Variants in KCNH8 observed in about 807,000 individuals in gnomAD.
KCNH8 encodes the protein voltage-gated delayed rectifier potassium channel KCNH8.
A neutral mutation model predicts 103.6 loss-of-function variants in KCNH8; 70 were observed. That is an observed-to-expected ratio of 0.68 (90% CI 0.56 to 0.82). KCNH8 has a LOEUF of 0.82. Ranked by LOEUF, KCNH8 falls within the 40% of genes least tolerant of loss-of-function variation. The pLI is 0.00. For synonymous variants in KCNH8, 498 were observed against 489.4 expected (o/e 1.02, Z -0.23); for missense variants, 1,217 against 1,329.9 (o/e 0.92, Z 1.32).
chr3:19,374,831 C>T (rs1201943838), intron 5 of KCNH8, among the ~76,000 whole-genome samples: 2 of 152,028 alleles, frequency 1.3e-5, no homozygotes, highest in East Asian at 1.9e-4. Context: ...ATTTGCTTGT[C>T]TGTAAAGTAT....
At chr3:19,487,367 C>T (rs1264362808) in intron 11 of KCNH8, among the ~76,000 whole-genome samples, 2 of 152,162 alleles carry the variant, frequency 1.3e-5, no homozygotes, top group Non-Finnish European at 2.9e-5. Flanking sequence ...GCTGACCAAG[C>T]GCAAGTCCTG....
chr3:19,289,445 G>T (rs1286710658), intron 3 of KCNH8, among the ~76,000 whole-genome samples: 4 of 152,124 alleles, frequency 2.6e-5, no homozygotes, highest in African/African-American at 7.2e-5. Flanking sequence ...TCTCCATATG[G>T]CTAGCCAGTT....
chr3:19,444,840 C>G (rs1354413392), intron 8 of KCNH8, among the ~76,000 whole-genome samples: 1 of 151,876 alleles, frequency 6.6e-6, no homozygotes, highest in African/African-American at 2.4e-5. Context: ...ACACTGCAAC[C>G]CTAAGTGTTT....
chr3:19,428,306 T>C (rs939115444), intron 7 of KCNH8, among the ~76,000 whole-genome samples: 3 of 152,162 alleles, frequency 2.0e-5, no homozygotes, highest in Non-Finnish European at 2.9e-5. Flanking sequence ...TGCCAGAAAA[T>C]ATTCTGAGTC....
intron 3 of KCNH8, among the ~76,000 whole-genome samples, chr3:19,313,357 T>G (rs1273377103): frequency 6.6e-6 from 1 of 151,974 alleles, no homozygotes; most frequent in Non-Finnish European, 1.5e-5. Flanking sequence ...TAGTTAGCAC[T>G]GTGATCTTAG....
intron 10 of KCNH8, among the ~76,000 whole-genome samples, chr3:19,455,510 A>AC (rs774678023): frequency 6.6e-5 from 10 of 152,034 alleles, no homozygotes; most frequent in Non-Finnish European, 1.5e-4. Context: ...GGATACTGAG[A>AC]CCCAAAGTTA....
At chr3:19,264,329 A>C (rs1020688102) in intron 2 of KCNH8, among the ~76,000 whole-genome samples, 3 of 151,998 alleles carry the variant, frequency 2.0e-5, no homozygotes, top group African/African-American at 7.2e-5. Flanking sequence ...ATTTGCACAT[A>C]AGCTTTGTAT....
chr3:19,508,937 C>G (rs1000376214), intron 11 of KCNH8, among the ~76,000 whole-genome samples: 3 of 152,192 alleles, frequency 2.0e-5, no homozygotes, highest in African/African-American at 7.2e-5. Context: ...CTAACGGTAT[C>G]TGTGATTGGA....
At chr3:19,298,574 C>G (rs902700798) in intron 3 of KCNH8, among the ~76,000 whole-genome samples, 1 of 152,118 alleles carries the variant, frequency 6.6e-6, no homozygotes, top group Non-Finnish European at 1.5e-5. Flanking sequence ...ATACAGAATT[C>G]TTAAAGTTGC....
In KCNH8 at chr3:19,220,892, A is replaced by G. The variant is rs575050451; in HGVS notation, c.77-32762A>G. On this transcript the variant is annotated intron_variant, in intron 1 of 15. Coordinates refer to ENST00000328405, the MANE Select transcript of KCNH8 (RefSeq NM_144633.3). ...ATGAGGATGGCTTCTTTCTGCAGACAAAGCTTTATCAAGAACCTAATGAAG... is the reference window on the plus strand; with the variant it reads ...ATGAGGATGGCTTCTTTCTGCAGACGAAGCTTTATCAAGAACCTAATGAAG... Among the ~76,000 whole-genome samples the G allele has an allele frequency of 8.1e-4, 123 of 152,264 alleles. 1 individual carries two copies. The highest frequency in any genetic ancestry group is 2.8e-3 in the African/African-American group (116 of 41,572).
rs541844272 is a variant in KCNH8 at position 19,367,856 on chromosome 3, G to A, written c.811+19891G>A. ...GGAAATCCTACAGGTTTTGGCGCTGGGCCCAGACCCTTGCAAACACATCAA... is the reference window on the plus strand; with the variant it reads ...GGAAATCCTACAGGTTTTGGCGCTGAGCCCAGACCCTTGCAAACACATCAA... On this transcript the variant is annotated intron_variant, in intron 5 of 15. Coordinates refer to ENST00000328405, the MANE Select transcript of KCNH8 (RefSeq NM_144633.3). 1.2e-4 allele frequency among the ~76,000 whole-genome samples: 18 copies of A among 152,026 alleles called. No individual in the cohort carries two copies. In the South Asian group the frequency reaches 3.5e-3, roughly 30 times the overall value.
intron 7 of KCNH8, among the ~76,000 whole-genome samples, chr3:19,399,088 T>C (rs1311272823): frequency 2.0e-5 from 3 of 152,020 alleles, no homozygotes; most frequent in Non-Finnish European, 4.4e-5. Context: ...GCAAGTCCTA[T>C]ATCAACCTTG....
At chr3:19,436,944 T>A (rs2067208272) in intron 7 of KCNH8, among the ~76,000 whole-genome samples, 1 of 152,210 alleles carries the variant, frequency 6.6e-6, no homozygotes, top group African/African-American at 2.4e-5. Flanking sequence ...AAAAACACTC[T>A]GTAGCAACAC....
chr3:19,192,138 T>C (rs2063559025), intron 1 of KCNH8, among the ~76,000 whole-genome samples: 1 of 151,612 alleles, frequency 6.6e-6, no homozygotes, highest in Non-Finnish European at 1.5e-5. Flanking sequence ...GACAGGAATT[T>C]TCCCTCTTAT....
intron 5 of KCNH8, among the ~76,000 whole-genome samples, chr3:19,381,889 A>G (rs549075174): frequency 6.6e-6 from 1 of 152,290 alleles, no homozygotes; most frequent in East Asian, 1.9e-4. Flanking sequence ...ATGGACATAC[A>G]TACCATACTG....
At chr3:19,361,534 A>T (rs1201897333) in intron 5 of KCNH8, among the ~76,000 whole-genome samples, 1 of 152,186 alleles carries the variant, frequency 6.6e-6, no homozygotes, top group African/African-American at 2.4e-5. Flanking sequence ...CGATTCTCAG[A>T]GGAGCAATAC....
intron 11 of KCNH8, among the ~76,000 whole-genome samples, chr3:19,480,737 GA>G (rs1361216146): frequency 6.6e-6 from 1 of 151,906 alleles, no homozygotes; most frequent in African/African-American, 2.4e-5. Flanking sequence ...CACAGTTTGA[GA>G]AAAAAAGAGT....
chr3:19,169,006 TTGAG>T (rs1407301102), intron 1 of KCNH8, among the ~76,000 whole-genome samples: 1 of 152,290 alleles, frequency 6.6e-6, no homozygotes, highest in Admixed American at 6.5e-5. Flanking sequence ...TAGTTTTCCT[TTGAG>T]GAAGGAATTC....
chr3:19,367,771 A>T (rs1170941030), intron 5 of KCNH8, among the ~76,000 whole-genome samples: 2 of 151,960 alleles, frequency 1.3e-5, no homozygotes, highest in East Asian at 3.9e-4. Flanking sequence ...AGCACAGCCT[A>T]CTTTAGAGTT....
Sources: allele counts gnomAD v4.1 joint callset (sites outside exome capture counted in the v4.1 genomes callset), GRCh38; gene constraint gnomAD v4.1.1; transcripts MANE v1.5; gene names NCBI Gene and HGNC (gene_info 2026-07-23, HGNC 2026-07-21).